DCDC2: variants seen among roughly 807,000 people sequenced by gnomAD.
DCDC2 encodes the protein doublecortin domain containing 2.
Under a neutral mutation model 50.2 loss-of-function variants are expected in DCDC2, and 40 were observed. The ratio of observed to expected loss-of-function variants is 0.80; its 90% CI spans 0.62 to 1.04. The LOEUF is 1.04. Ranked by LOEUF, DCDC2 falls within the 50% of genes least tolerant of loss-of-function variation. DCDC2 has a pLI of 0.00. For missense variants in DCDC2, 570 were observed against 581.9 expected (o/e 0.98, Z 0.21); for synonymous variants, 234 against 210.6 (o/e 1.11, Z -0.96).
intron 7 of DCDC2, among the ~76,000 whole-genome samples, chr6:24,220,896 G>GAC (rs1762098796): frequency 6.8e-6 from 1 of 146,074 alleles, no homozygotes. Context: ...GAGAGTGAGC[G>GAC]AGCGAGCGAG....
chr6:24,185,706 C>CACAT (rs930606035), intron 8 of DCDC2, among the ~76,000 whole-genome samples: 1 of 112,254 alleles, frequency 8.9e-6, no homozygotes, highest in African/African-American at 3.1e-5. Context: ...CACACACACA[C>CACAT]ACACACACAC....
intron 8 of DCDC2, among the ~76,000 whole-genome samples, chr6:24,183,826 T>C (rs951247259): frequency 3.3e-5 from 5 of 151,982 alleles, no homozygotes; most frequent in African/African-American, 9.7e-5. Flanking sequence ...CATTACAATG[T>C]GGAATGAGGC....
At chr6:24,228,065 A>G (rs1322191002) in intron 7 of DCDC2, among the ~76,000 whole-genome samples, 5 of 152,180 alleles carry the variant, frequency 3.3e-5, no homozygotes, top group Admixed American at 6.5e-5. Context: ...AAGCTTCAAT[A>G]ATTTTCTTTC....
At chr6:24,253,257 A>C (rs1399976250) in intron 7 of DCDC2, among the ~76,000 whole-genome samples, 1 of 152,138 alleles carries the variant, frequency 6.6e-6, no homozygotes. Context: ...ACTAATTATA[A>C]AAAAAGAAAG....
intron 7 of DCDC2, among the ~76,000 whole-genome samples, chr6:24,240,809 G>C (rs889634205): frequency 1.3e-5 from 2 of 152,152 alleles, no homozygotes; most frequent in African/African-American, 4.8e-5. Flanking sequence ...TTAGGCTATC[G>C]TAACACTTCT....
intron 7 of DCDC2, among the ~76,000 whole-genome samples, chr6:24,272,705 CA>C (rs1044045106): frequency 2.0e-4 from 31 of 152,180 alleles, no homozygotes; most frequent in African/African-American, 6.7e-4. Context: ...CTGAAAAAGT[CA>C]AAAAACAACA....
intron 2 of DCDC2, among the ~76,000 whole-genome samples, chr6:24,321,002 A>G (rs1007116532): frequency 2.0e-5 from 3 of 152,154 alleles, no homozygotes; most frequent in South Asian, 4.1e-4. Context: ...AAAGACACAA[A>G]AGCCAACTTG....
intron 7 of DCDC2, among the ~76,000 whole-genome samples, chr6:24,230,975 A>C (rs1320890188): frequency 6.6e-6 from 1 of 152,214 alleles, no homozygotes; most frequent in Non-Finnish European, 1.5e-5. Flanking sequence ...ATAAGGGACA[A>C]AGCAGAGTCC....
intron 9 of DCDC2, 140 bp downstream of exon 9, chr6:24,178,190 A>T: frequency 1.2e-6 from 1 of 808,780 alleles, no homozygotes; most frequent in Non-Finnish European, 2.0e-6. Context: ...TAAAGGGATT[A>T]AATGGTATTG....
rs953404964 is a variant in DCDC2 at position 24,245,814 on chromosome 6, C to T, written c.922+32235G>A. Among the ~76,000 whole-genome samples the T allele has an allele frequency of 3.9e-5, 6 of 152,026 alleles. No individual in the cohort carries two copies. The South Asian group carries it at 6.2e-4, about 16-fold the overall frequency. ...CAGAAACAATACTGAAAGAAAACAA[C>T]AGTATAAACAAAAACTGGCAAATTT... On this transcript the variant is annotated intron_variant, in intron 7 of 9. Coordinates refer to ENST00000378454, the MANE Select transcript of DCDC2 (RefSeq NM_016356.5).
chr6:24,339,942 C>T (rs1166908856), intron 2 of DCDC2, among the ~76,000 whole-genome samples: 1 of 152,164 alleles, frequency 6.6e-6, no homozygotes, highest in Non-Finnish European at 1.5e-5. Context: ...GGAAAATTAT[C>T]ATTTGAATAT....
At chr6:24,255,912 A>C (rs987763491) in intron 7 of DCDC2, among the ~76,000 whole-genome samples, 4 of 152,184 alleles carry the variant, frequency 2.6e-5, no homozygotes, top group African/African-American at 9.7e-5. Context: ...ACAGAAATAC[A>C]CATGCTGACT....
chr6:24,233,774 T>C (rs981026769), intron 7 of DCDC2, among the ~76,000 whole-genome samples: 1 of 152,236 alleles, frequency 6.6e-6, no homozygotes, highest in African/African-American at 2.4e-5. Context: ...ATCAAACATA[T>C]ATAATATTTG....
chr6:24,360,488 A>G (rs544837601), upstream of DCDC2, among the ~76,000 whole-genome samples: 1 of 152,344 alleles, frequency 6.6e-6, no homozygotes, highest in East Asian at 1.9e-4. Flanking sequence ...TGGCTGTCCA[A>G]GAGCCCACAT....
At chr6:24,216,338 AG>A (rs1761975658) in intron 7 of DCDC2, among the ~76,000 whole-genome samples, 1 of 152,264 alleles carries the variant, frequency 6.6e-6, no homozygotes, top group Admixed American at 6.5e-5. Flanking sequence ...GAAAAAAAAA[AG>A]AGTAGGCTGT....
In DCDC2 at chr6:24,326,771, A is replaced by G. The variant is rs563578910; in HGVS notation, c.349-24727T>C. 5.4e-5 allele frequency among the ~76,000 whole-genome samples: 8 copies of G among 147,842 alleles called. 2 individuals are homozygous for G. The South Asian group carries it at 1.8e-3, about 34-fold the overall frequency. ...CTAGTCAGGTGGCTGAAGCAGAAGG[A>G]TTCCCTGAGCCTGGGAGATCGAGGC... On this transcript the variant is annotated intron_variant, in intron 2 of 9. Transcript: ENST00000378454.
chr6:24,354,437 A>G (rs1400177784), intron 1 of DCDC2, among the ~76,000 whole-genome samples: 1 of 152,062 alleles, frequency 6.6e-6, no homozygotes, highest in Non-Finnish European at 1.5e-5. Flanking sequence ...AACTTGTCCC[A>G]AAAAAAGCTT....
chr6:24,282,477 A>T (rs1430284514), intron 6 of DCDC2, among the ~76,000 whole-genome samples: 2 of 152,064 alleles, frequency 1.3e-5, no homozygotes, highest in East Asian at 1.9e-4. Context: ...TCCTGACCTC[A>T]AATGATCCTC....
chr6:24,198,109 A>G (rs1368503731), intron 8 of DCDC2, among the ~76,000 whole-genome samples: 1 of 152,240 alleles, frequency 6.6e-6, no homozygotes, highest in African/African-American at 2.4e-5. Flanking sequence ...TTTGACTTAC[A>G]TTTATACAGG....
Sources: gnomAD v4.1 joint callset for allele counts (sites outside exome capture counted in the v4.1 genomes callset) on GRCh38, gnomAD v4.1.1 for gene constraint, MANE v1.5 for transcripts, NCBI Gene and HGNC (gene_info 2026-07-23, HGNC 2026-07-21) for gene names.